Variants in FER1L5 observed in about 807,000 individuals in gnomAD.
The protein encoded by FER1L5 is fer-1-like protein 5.
FER1L5 carries 187 observed loss-of-function variants against 279.9 expected under a neutral mutation model. The observed-to-expected ratio is 0.67, with a 90% CI of 0.59 to 0.75. The LOEUF (loss-of-function observed/expected upper bound fraction) is 0.75, where lower values mean the gene tolerates loss of function less well. Ranked by LOEUF, FER1L5 falls within the 30% of genes least tolerant of loss-of-function variation. FER1L5 has a pLI of 0.00. For synonymous variants in FER1L5, 921 were observed against 989.7 expected (o/e 0.93, Z 1.30); for missense variants, 2,091 against 2,594.4 (o/e 0.81, Z 4.21).
intron 37 of FER1L5, 45 bp from the exon 38 acceptor site, chr2:96,697,481 A>G (rs1029708404): frequency 1.1e-5 from 18 of 1,599,762 alleles, no homozygotes; most frequent in Middle Eastern, 1.7e-4. Flanking sequence ...GTCAGAGCCC[A>G]TGAGTGAGCT....
At chr2:96,688,766 T>G (rs1039049990) in intron 24 of FER1L5, among the ~76,000 whole-genome samples, 23 of 151,678 alleles carry the variant, frequency 1.5e-4, no homozygotes, top group Non-Finnish European at 2.5e-4. Flanking sequence ...ACCGGAGGAC[T>G]GGGCTGGTGC....
chr2:96,649,875 A>G (rs529924152), intron 5 of FER1L5, among the ~76,000 whole-genome samples, 198 bp downstream of exon 5: 4 of 152,312 alleles, frequency 2.6e-5, no homozygotes, highest in African/African-American at 7.2e-5. Context: ...CAATATGCCT[A>G]TTTGTCATCT....
Position 96,651,251 on chromosome 2 carries a change from CTTTCT to C in FER1L5, c.505-638_505-634del, listed in dbSNP as rs768107319. On this transcript the variant is annotated intron_variant, in intron 6 of 52. Transcript: ENST00000624922. ...TTTCTTTCTTTCTCTTTCTTTCTTT[CTTTCT>C]TTCTTTCTTTCTTTCTTTCTTTCTT... Among the ~76,000 whole-genome samples, 423 of 128,552 alleles carry C rather than the reference CTTTCT, an allele frequency of 3.3e-3. 3 individuals are homozygous for C. The highest frequency in any genetic ancestry group is 0.01 in the African/African-American group (376 of 36,390). The allele number at this position is 128,552 out of a possible 152,430, so 84.3% of individuals were successfully genotyped here. A position where few individuals can be genotyped will look rare whatever the true frequency, so the allele number is the denominator to read the frequency against.
Position 96,689,121 on chromosome 2 carries a change from T to C in FER1L5, c.2362-92T>C. ...GGCTACCACATTTTTAGGATGCCCC[T>C]GCAGCCCAGAGTCAGGGGGCCCAGG... On this transcript the variant is annotated intron_variant, in intron 24 of 52. Coordinates refer to ENST00000624922, the MANE Select transcript of FER1L5 (RefSeq NM_001293083.2). This position sits in a 1 kb window ranked among gnomAD's most constrained non-coding sequence, Gnocchi z 4.6. The C allele has an allele frequency of 2.1e-6, 3 of 1,425,522 alleles. No homozygotes were observed. Among genetic ancestry groups the C allele is most frequent in the Non-Finnish European group, 2.8e-6 (3 of 1,071,932 alleles). 88.3% of individuals were successfully genotyped at this position (1,425,522 alleles called of 1,614,324 possible). A position where few individuals can be genotyped will look rare whatever the true frequency, so the allele number is the denominator to read the frequency against.
chr2:96,650,077 A>T, intron 5 of FER1L5, 103 bp from the exon 6 acceptor site: 2 of 879,124 alleles, frequency 2.3e-6, no homozygotes, highest in East Asian at 2.7e-5. Context: ...CCATGCTTTT[A>T]GTCAGGAGAT....
intron 26 of FER1L5, among the ~76,000 whole-genome samples, chr2:96,690,052 G>A (rs2077083044): frequency 6.6e-6 from 1 of 152,200 alleles, no homozygotes; most frequent in South Asian, 2.1e-4. Context: ...CTTGGGGTAG[G>A]CTAACCCAGC....
chr2:96,645,864 TTATC>T (rs1451956195), intron 1 of FER1L5, among the ~76,000 whole-genome samples: 1 of 151,918 alleles, frequency 6.6e-6, no homozygotes, highest in East Asian at 1.9e-4. Context: ...ACATAGAGCA[TTATC>T]TGTCACACAG....
chr2:96,697,865 G>A lies in FER1L5; in HGVS notation c.4236+104G>A, dbSNP rs1472892137. On this transcript the variant is annotated intron_variant, in intron 39 of 52. Transcript: ENST00000624922. ...GGAAGCCTCAAGTGGGAAGGTTCCC[G>A]CACTGTCTCCCAGAGACAGCTCCAG... 24 of 1,469,018 alleles carry A rather than the reference G, an allele frequency of 1.6e-5. No homozygotes were observed. In the East Asian group the frequency reaches 2.2e-4, roughly 13 times the overall value. The allele number at this position is 1,469,018 out of a possible 1,614,324, so 91.0% of individuals were successfully genotyped here. A position where few individuals can be genotyped will look rare whatever the true frequency, so the allele number is the denominator to read the frequency against.
intron 19 of FER1L5, among the ~76,000 whole-genome samples, chr2:96,675,069 T>C (rs1226746767): frequency 1.3e-5 from 2 of 152,226 alleles, no homozygotes; most frequent in Non-Finnish European, 2.9e-5. Context: ...TCTGTATTCA[T>C]CTGTCTTAAA....
rs1332100791 is a variant in FER1L5, at chr2:96,699,033, A to G, written c.4519-12A>G. ...CAGTTCCTATCCTTCCCCCACTTGT[A>G]TCTGACCCCAGTGTGACCCTTATGT... On this transcript the variant is annotated splice_polypyrimidine_tract_variant and intron_variant, in intron 41 of 52. Transcript: ENST00000624922. 1 of 1,603,116 alleles carries G rather than the reference A, an allele frequency of 6.2e-7. No individual in the cohort carries two copies. Among genetic ancestry groups the G allele is most frequent in the South Asian group, 1.1e-5 (1 of 88,944 alleles).
intron 18 of FER1L5, among the ~76,000 whole-genome samples, chr2:96,672,087 AT>A (rs1012895351): frequency 6.6e-6 from 1 of 152,082 alleles, no homozygotes; most frequent in Admixed American, 6.6e-5. Context: ...AAGTAAAAAA[AT>A]TTTTTTTGAG....
At chr2:96,644,570 G>A (rs1573749961) in intron 1 of FER1L5, among the ~76,000 whole-genome samples, 1 of 152,102 alleles carries the variant, frequency 6.6e-6, no homozygotes. Flanking sequence ...GATACAGGAC[G>A]GTGGATACAG....
chr2:96,699,832 CA>C, intron 43 of FER1L5, 99 bp from the exon 44 acceptor site: 2 of 1,576,806 alleles, frequency 1.3e-6, no homozygotes, highest in Non-Finnish European at 1.7e-6. Flanking sequence ...CAGACCTGCC[CA>C]GTCTCCACCC....
At position 96,689,528 on chromosome 2, in the gene FER1L5, C is replaced by T. The variant is rs2077060537; in HGVS notation, c.2526-116C>T. 2.1e-6 allele frequency: 3 copies of T among 1,437,544 alleles called. No individual in the cohort carries two copies. In the East Asian group the frequency reaches 7.4e-5, roughly 36 times the overall value. 89.0% of individuals were successfully genotyped at this position (1,437,544 alleles called of 1,614,324 possible). A position where few individuals can be genotyped will look rare whatever the true frequency, so the allele number is the denominator to read the frequency against. On this transcript the variant is annotated intron_variant, in intron 25 of 52. Transcript: ENST00000624922. This position sits in a 1 kb window ranked among gnomAD's most constrained non-coding sequence, Gnocchi z 4.6. Reference sequence around the variant, plus strand: ...CAAGGGCCCTGCCCACCACCCTGTCCTGCCCAGAGCAGGTGGGGATGGGAT... The same window carrying T: ...CAAGGGCCCTGCCCACCACCCTGTCTTGCCCAGAGCAGGTGGGGATGGGAT...
intron 13 of FER1L5, among the ~76,000 whole-genome samples, chr2:96,662,553 A>G (rs1352991487): frequency 6.6e-6 from 1 of 152,232 alleles, no homozygotes; most frequent in Admixed American, 6.5e-5. Flanking sequence ...CAGTTTCTTC[A>G]TGTGTAAACG....
intron 1 of FER1L5, among the ~76,000 whole-genome samples, chr2:96,643,896 G>A (rs1006319568): frequency 6.6e-6 from 1 of 151,968 alleles, no homozygotes; most frequent in Non-Finnish European, 1.5e-5. Flanking sequence ...AAAGGGCGGG[G>A]CACGGTGGCT....
chr2:96,674,348 G>A (rs531146852), intron 19 of FER1L5, among the ~76,000 whole-genome samples: 3 of 152,068 alleles, frequency 2.0e-5, no homozygotes, highest in South Asian at 2.1e-4. Context: ...CCAGCCTCCC[G>A]AGTAGCTGGG....
At position 96,689,777 on chromosome 2, in the gene FER1L5, G is replaced by A. The variant is rs2077070195; in HGVS notation, c.2640+19G>A. 7.2e-6 allele frequency: 11 copies of A among 1,532,304 alleles called. No individual in the cohort carries two copies. Among genetic ancestry groups the A allele is most frequent in the Non-Finnish European group, 9.7e-6 (11 of 1,138,102 alleles). The allele number at this position is 1,532,304 out of a possible 1,614,324, so 94.9% of individuals were successfully genotyped here. On this transcript the variant is annotated intron_variant, in intron 26 of 52. Transcript: ENST00000624922. This position sits in a 1 kb window ranked among gnomAD's most constrained non-coding sequence, Gnocchi z 4.6. ...AGACGTGGTGAGCAGGGCCGAAGCT[G>A]CCTCGGGTTAGGGGGCAAGCAAGGC...
chr2:96,643,419 G>T (rs1227378495), intron 1 of FER1L5, among the ~76,000 whole-genome samples: 3 of 150,932 alleles, frequency 2.0e-5, no homozygotes, highest in Non-Finnish European at 1.5e-5. Context: ...GTGTGATCTC[G>T]GCTCACTGCA....
Sources: allele counts gnomAD v4.1 joint callset (sites outside exome capture counted in the v4.1 genomes callset), GRCh38; gene constraint gnomAD v4.1.1; non-coding constraint Gnocchi (gnomAD v3.1); transcripts MANE v1.5; gene names NCBI Gene and HGNC (gene_info 2026-07-23, HGNC 2026-07-21).